The following C10orf143 variants were observed in gnomAD, a reference collection of about 807,000 sequenced individuals.
C10orf143 encodes chromosome 10 open reading frame 143, also known as uncharacterized protein C10orf143.
At chr10:130,047,880 G>T (rs2765477) in intron 3 of C10orf143, among the ~76,000 whole-genome samples, 143,319 of 152,124 alleles carry the variant, frequency 0.94, 67,542 homozygotes, top group Admixed American at 0.96. Flanking sequence ...AGGAAAGTAA[G>T]GTGGCTTCCC....
At chr10:130,098,905 G>A (rs1217968913) in intron 1 of C10orf143, among the ~76,000 whole-genome samples, 4 of 152,064 alleles carry the variant, frequency 2.6e-5, no homozygotes, top group Non-Finnish European at 1.5e-5. Flanking sequence ...GGCCAACATG[G>A]AGAAACCCCA....
At chr10:130,066,947 T>C (rs966253033) in intron 3 of C10orf143, 2 of 152,182 alleles carry the variant, frequency 1.3e-5, no homozygotes, top group African/African-American at 4.8e-5. Context: ...GAAAAGTGAT[T>C]TGATCAGCAA....
chr10:130,106,764 A>G (rs553505155), intron 1 of C10orf143: 1 of 1,244,888 alleles, frequency 8.0e-7, no homozygotes, highest in Non-Finnish European at 1.2e-6. Flanking sequence ...AATGAACTTA[A>G]TAAACAGAAA....
At chr10:130,108,185 G>A (rs773817296) in intron 1 of C10orf143, 2 of 1,571,212 alleles carry the variant, frequency 1.3e-6, no homozygotes, top group South Asian at 1.1e-5. Flanking sequence ...CATGAGAAGA[G>A]CACCTCCTTT....
In C10orf143 at chr10:130,065,581, T is replaced by C. The variant is rs1160731505; in HGVS notation, c.298-1198A>G. On this transcript the variant is annotated intron_variant, in intron 3 of 3. Coordinates refer to ENST00000637128, the MANE Select transcript of C10orf143 (RefSeq NM_001355042.2). This position sits in a 1 kb window ranked among gnomAD's most constrained non-coding sequence, Gnocchi z 4.2. ...ATTTGAAGGGCCCTGGATGCCATGG[T>C]GAATACAGGTGCTGCATTTACTCAA... 1.3e-5 allele frequency: 2 copies of C among 152,180 alleles called. No homozygotes were observed. The highest frequency in any genetic ancestry group is 2.9e-5 in the Non-Finnish European group (2 of 68,078). 9.4% of individuals were successfully genotyped at this position (152,180 alleles called of 1,614,324 possible). A position where few individuals can be genotyped will look rare whatever the true frequency, so the allele number is the denominator to read the frequency against.
At chr10:130,097,654 G>T (rs903972905) in intron 1 of C10orf143, among the ~76,000 whole-genome samples, 3 of 152,098 alleles carry the variant, frequency 2.0e-5, no homozygotes, top group Non-Finnish European at 4.4e-5. Context: ...AGAATTTTCT[G>T]CACTATTCAT....
At chr10:130,036,858 T>C (rs1772795624) in intron 3 of C10orf143, among the ~76,000 whole-genome samples, 1 of 151,658 alleles carries the variant, frequency 6.6e-6, no homozygotes, top group Admixed American at 6.6e-5. Context: ...GGGCCTGTCC[T>C]GGAGCGCCCA....
At chr10:130,090,319 ACTCC>A (rs1467136267) in intron 1 of C10orf143, among the ~76,000 whole-genome samples, 1 of 151,270 alleles carries the variant, frequency 6.6e-6, no homozygotes, top group African/African-American at 2.4e-5. Context: ...GGGTCACGGA[ACTCC>A]CTCCCCAGCC....
intron 3 of C10orf143, among the ~76,000 whole-genome samples, chr10:130,071,251 G>A (rs1279716590): frequency 2.0e-5 from 3 of 152,136 alleles, no homozygotes; most frequent in African/African-American, 7.2e-5. Flanking sequence ...ATATCTTCTA[G>A]CTTACCAGAA....
At chr10:130,062,620 C>T (rs1444269630), downstream of C10orf143, among the ~76,000 whole-genome samples, 1 of 152,178 alleles carries the variant, frequency 6.6e-6, no homozygotes, top group Non-Finnish European at 1.5e-5. Flanking sequence ...GATGCACTAT[C>T]GACTTCTCTA....
chr10:130,042,008 T>G (rs1399698661), intron 3 of C10orf143, among the ~76,000 whole-genome samples: 1 of 152,168 alleles, frequency 6.6e-6, no homozygotes, highest in Non-Finnish European at 1.5e-5. Context: ...ATGCACATTA[T>G]GCATGCACAC....
intron 1 of C10orf143, among the ~76,000 whole-genome samples, chr10:130,103,534 C>T (rs967951654): frequency 6.6e-6 from 1 of 152,054 alleles, no homozygotes; most frequent in South Asian, 2.1e-4. Flanking sequence ...AGGCCAGGTG[C>T]GGTGGCTCAT....
At chr10:130,086,041 A>G (rs184908302) in intron 1 of C10orf143, among the ~76,000 whole-genome samples, 7 of 152,320 alleles carry the variant, frequency 4.6e-5, no homozygotes, top group Admixed American at 4.6e-4. Flanking sequence ...GACTCTTCAT[A>G]TCCTAGACAC....
chr10:130,066,717 AAGC>A (rs1860941363), intron 3 of C10orf143: 1 of 152,272 alleles, frequency 6.6e-6, no homozygotes, highest in Non-Finnish European at 1.5e-5. Flanking sequence ...CTCTCAAAGC[AAGC>A]AGCCCCCAGT....
At chr10:130,074,515 C>A (rs550276619) in intron 3 of C10orf143, among the ~76,000 whole-genome samples, 1 of 152,126 alleles carries the variant, frequency 6.6e-6, no homozygotes, top group African/African-American at 2.4e-5. Flanking sequence ...TCATCGATAT[C>A]AGAACGTTAC....
At position 130,065,704 on chromosome 10, in the gene C10orf143, C is replaced by T. The variant is rs535603056; in HGVS notation, c.298-1321G>A. ...GAAACCAGTTTCTTCATGCAATTCT[C>T]GAGGTCTTTCACAGTCTAATGGACA... On this transcript the variant is annotated intron_variant, in intron 3 of 3. Coordinates refer to ENST00000637128, the MANE Select transcript of C10orf143 (RefSeq NM_001355042.2). This position sits in a 1 kb window ranked among gnomAD's most constrained non-coding sequence, Gnocchi z 4.2. The T allele has an allele frequency of 2.6e-5, 4 of 152,358 alleles. No individual in the cohort carries two copies. The highest frequency in any genetic ancestry group is 2.1e-4 in the South Asian group (1 of 4,830). The allele number at this position is 152,358 out of a possible 1,614,324, so 9.4% of individuals were successfully genotyped here. A position where few individuals can be genotyped will look rare whatever the true frequency, so the allele number is the denominator to read the frequency against.
intron 3 of C10orf143, among the ~76,000 whole-genome samples, chr10:130,055,648 T>C (rs150443368): frequency 2.0e-5 from 3 of 152,218 alleles, no homozygotes; most frequent in African/African-American, 7.2e-5. Context: ...GAAATCTGAA[T>C]AAATGGGCCT....
Position 130,079,896 on chromosome 10 carries a change from C to T in C10orf143, c.75G>A (p.Arg25=), listed in dbSNP as rs960203196. The stretch of plus-strand genomic sequence containing the variant: ...CACTGGCTTCTAATCTCCTGCATAC[C>T]CGTTTCTGAAACAAACAAAATTTTA... ...EDLQVPGDVK[R]VCRRLEASGH... Residue 25 remains arginine (R), a synonymous_variant, in exon 2 of 4, where the codon CGG becomes CGA. Transcript: ENST00000637128. 2 of 398,502 alleles carry T rather than the reference C, an allele frequency of 5.0e-6. No homozygotes were observed. The highest frequency in any genetic ancestry group is 4.1e-5 in the African/African-American group (2 of 48,620). 24.7% of individuals were successfully genotyped at this position (398,502 alleles called of 1,614,324 possible).
intron 1 of C10orf143, among the ~76,000 whole-genome samples, chr10:130,090,268 C>A (rs1462139696): frequency 2.0e-5 from 3 of 152,192 alleles, no homozygotes; most frequent in African/African-American, 7.2e-5. Flanking sequence ...GGAGGGACAA[C>A]TGAAGCAGGG....
Sources: allele counts gnomAD v4.1 joint callset (sites outside exome capture counted in the v4.1 genomes callset), GRCh38; gene constraint gnomAD v4.1.1; non-coding constraint Gnocchi (gnomAD v3.1); transcripts MANE v1.5; gene names NCBI Gene and HGNC (gene_info 2026-07-23, HGNC 2026-07-21).